CTNNA3: variants seen among roughly 807,000 people sequenced by gnomAD.
CTNNA3 encodes catenin alpha 3.
Under a neutral mutation model 95.7 loss-of-function variants are expected in CTNNA3, and 76 were observed. The observed-to-expected ratio is 0.79, with a 90% CI of 0.66 to 0.96. The LOEUF (loss-of-function observed/expected upper bound fraction) is 0.96, where lower values mean the gene tolerates loss of function less well. CTNNA3 is among the 40% of genes least tolerant of loss of function. The pLI, the probability that CTNNA3 is intolerant of heterozygous loss-of-function variation, is 0.00. For synonymous variants in CTNNA3, 431 were observed against 374.4 expected (o/e 1.15, Z -1.74); for missense variants, 1,191 against 1,089.8 (o/e 1.09, Z -1.31).
At position 65,913,144 on chromosome 10, in the gene CTNNA3, A is replaced by G. The variant is rs1015899961; in HGVS notation, c.*7186T>C. ...GCTTTCATCCTAAATTATAATGTGCATATTACCTTCAGAGAGGTCACTACA... is the reference window on the plus strand; with the variant it reads ...GCTTTCATCCTAAATTATAATGTGCGTATTACCTTCAGAGAGGTCACTACA... On this transcript the variant is annotated 3_prime_UTR_variant, in exon 18 of 18. Transcript: ENST00000433211. The G allele has an allele frequency of 8.7e-4, 133 of 152,304 alleles. 2 individuals are homozygous for G. The highest frequency in any genetic ancestry group is 3.0e-3 in the African/African-American group (126 of 41,568). 9.4% of individuals were successfully genotyped at this position (152,304 alleles called of 1,614,324 possible).
chr10:66,804,498 C>T (rs77468402), intron 7 of CTNNA3, among the ~76,000 whole-genome samples: 6,871 of 152,068 alleles, frequency 0.045, 204 homozygotes, highest in African/African-American at 0.083. Context: ...CCTTATTTGC[C>T]TTTTATGTCT....
chr10:66,356,601 T>C (rs1029057804), intron 12 of CTNNA3, among the ~76,000 whole-genome samples: 3 of 152,068 alleles, frequency 2.0e-5, no homozygotes, highest in African/African-American at 7.2e-5. Flanking sequence ...ATGCCTTTTA[T>C]CTTTCTTTTG....
intron 11 of CTNNA3, among the ~76,000 whole-genome samples, chr10:66,489,902 C>T (rs1407390751): frequency 1.3e-5 from 2 of 152,152 alleles, no homozygotes; most frequent in African/African-American, 4.8e-5. Flanking sequence ...GCCAAAAGGC[C>T]TTCTATTTAT....
intron 11 of CTNNA3, among the ~76,000 whole-genome samples, chr10:66,424,584 C>A (rs1292856825): frequency 1.3e-5 from 2 of 151,870 alleles, no homozygotes; most frequent in Non-Finnish European, 2.9e-5. Flanking sequence ...TGTTTTCACA[C>A]ATAATTTTCT....
intron 3 of CTNNA3, among the ~76,000 whole-genome samples, chr10:67,554,347 A>C (rs1020580654): frequency 1.3e-5 from 2 of 152,198 alleles, no homozygotes; most frequent in African/African-American, 4.8e-5. Context: ...TGTCTTCCAC[A>C]ATGGTTGAAC....
intron 5 of CTNNA3, among the ~76,000 whole-genome samples, chr10:67,461,029 C>T (rs748317865): frequency 2.0e-5 from 3 of 152,098 alleles, no homozygotes; most frequent in Non-Finnish European, 4.4e-5. Context: ...GCTGAATTTA[C>T]AGAATTTACA....
At chr10:66,692,176 G>C (rs1380623776) in intron 9 of CTNNA3, among the ~76,000 whole-genome samples, 1 of 152,024 alleles carries the variant, frequency 6.6e-6, no homozygotes, top group Non-Finnish European at 1.5e-5. Context: ...AGCTACAGGA[G>C]GAAATTCAAA....
At chr10:67,217,565 T>C (rs1360197825) in intron 6 of CTNNA3, among the ~76,000 whole-genome samples, 1 of 152,108 alleles carries the variant, frequency 6.6e-6, no homozygotes, top group Non-Finnish European at 1.5e-5. Context: ...CTATGCCCAC[T>C]CCCACTGAAG....
intron 3 of CTNNA3, among the ~76,000 whole-genome samples, chr10:67,596,535 AATATGAACTT>A (rs1424125005): frequency 6.6e-6 from 1 of 152,204 alleles, no homozygotes; most frequent in African/African-American, 2.4e-5. Flanking sequence ...AGTTTGACTG[AATATGAACTT>A]CCTGGTTGGA....
At chr10:66,468,753 A>G (rs965707574) in intron 11 of CTNNA3, among the ~76,000 whole-genome samples, 1 of 151,898 alleles carries the variant, frequency 6.6e-6, no homozygotes, top group African/African-American at 2.4e-5. Flanking sequence ...ATATTTGCCA[A>G]TTATACCTTA....
chr10:67,576,983 T>A (rs541555178), intron 3 of CTNNA3, among the ~76,000 whole-genome samples: 2 of 146,414 alleles, frequency 1.4e-5, no homozygotes, highest in African/African-American at 5.3e-5. Context: ...TTCCAAGTCT[T>A]TGCTCTTGTG....
At chr10:66,256,097 G>A (rs1374414795) in intron 13 of CTNNA3, among the ~76,000 whole-genome samples, 1 of 152,178 alleles carries the variant, frequency 6.6e-6, no homozygotes, top group Non-Finnish European at 1.5e-5. Context: ...AGGGGCAGGT[G>A]AGATTATATA....
chr10:67,667,030 T>C (rs1840343465), intron 1 of CTNNA3, among the ~76,000 whole-genome samples: 1 of 152,092 alleles, frequency 6.6e-6, no homozygotes, highest in Admixed American at 6.6e-5. Flanking sequence ...CGAAAACAAA[T>C]CCTGAAGAAA....
intron 7 of CTNNA3, among the ~76,000 whole-genome samples, chr10:66,949,290 C>T (rs1848420363): frequency 6.6e-6 from 1 of 152,170 alleles, no homozygotes; most frequent in Non-Finnish European, 1.5e-5. Context: ...GTGCTGTGGG[C>T]TCATGCCTGT....
At chr10:66,935,833 TGTAA>T (rs1472278394) in intron 7 of CTNNA3, among the ~76,000 whole-genome samples, 3 of 148,624 alleles carry the variant, frequency 2.0e-5, no homozygotes, top group African/African-American at 5.2e-5. Flanking sequence ...TCTGTCTTCC[TGTAA>T]GTTTCACTCA....
intron 16 of CTNNA3, among the ~76,000 whole-genome samples, chr10:65,971,516 A>G (rs2078102095): frequency 6.6e-6 from 1 of 151,960 alleles, no homozygotes; most frequent in African/African-American, 2.4e-5. Flanking sequence ...TAGAAATACA[A>G]AAGAGCCTCA....
At chr10:67,457,810 C>T (rs980876601) in intron 5 of CTNNA3, among the ~76,000 whole-genome samples, 1 of 152,164 alleles carries the variant, frequency 6.6e-6, no homozygotes, top group Non-Finnish European at 1.5e-5. Flanking sequence ...CCTTCTCATG[C>T]TGCCATCTCT....
chr10:66,684,658 T>C (rs939417756), intron 9 of CTNNA3, among the ~76,000 whole-genome samples: 9 of 152,112 alleles, frequency 5.9e-5, no homozygotes, highest in Non-Finnish European at 7.4e-5. Context: ...ACTCTGTGAG[T>C]ATATTAAATT....
At chr10:67,511,062 A>G (rs751885243) in intron 5 of CTNNA3, among the ~76,000 whole-genome samples, 2 of 152,182 alleles carry the variant, frequency 1.3e-5, no homozygotes, top group Non-Finnish European at 2.9e-5. Context: ...GACTTTGCTG[A>G]AGTTTTTTAT....
Sources: gnomAD v4.1 joint callset for allele counts (sites outside exome capture counted in the v4.1 genomes callset) on GRCh38, gnomAD v4.1.1 for gene constraint, MANE v1.5 for transcripts, NCBI Gene and HGNC (gene_info 2026-07-23, HGNC 2026-07-21) for gene names.